Variants in DIAPH2 observed in about 807,000 individuals in gnomAD.
DIAPH2 encodes the protein protein diaphanous homolog 2.
Under a neutral mutation model 92.7 loss-of-function variants are expected in DIAPH2, and 35 were observed. The observed-to-expected ratio is 0.38, with a 90% CI of 0.29 to 0.50. The LOEUF (loss-of-function observed/expected upper bound fraction) is 0.50, where lower values mean the gene tolerates loss of function less well. Among genes scored for constraint, DIAPH2 ranks in the 20% least tolerant of loss-of-function variants. The probability of loss-of-function intolerance (pLI) is 0.94; values close to 1 mark genes in which losing one functional copy is unlikely to be tolerated. For synonymous variants in DIAPH2, 301 were observed against 280.4 expected (o/e 1.07, Z -0.73); for missense variants, 701 against 819.5 (o/e 0.86, Z 1.77).
intron 26 of DIAPH2, among the ~76,000 whole-genome samples, chrX:97,456,414 T>C (rs1254486588): frequency 9.2e-6 from 1 of 108,659 alleles, no homozygotes; most frequent in Non-Finnish European, 1.9e-5. Flanking sequence ...CAATCTTCAG[T>C]GATAAACCAA....
At chrX:97,410,745 C>T (rs1485029664) in intron 25 of DIAPH2, among the ~76,000 whole-genome samples, 1 of 111,859 alleles carries the variant, frequency 8.9e-6, no homozygotes, top group African/African-American at 3.3e-5. Context: ...GGCATGAGAA[C>T]TACGTGATGC....
chrX:97,431,957 TG>T (rs2070131153), intron 26 of DIAPH2, among the ~76,000 whole-genome samples: 1 of 112,127 alleles, frequency 8.9e-6, no homozygotes, highest in African/African-American at 3.2e-5. Context: ...CTTAGGCACC[TG>T]ATTTGTTTCC....
intron 23 of DIAPH2, among the ~76,000 whole-genome samples, chrX:97,306,502 C>T (rs944006230): frequency 6.3e-5 from 7 of 111,929 alleles, no homozygotes; most frequent in African/African-American, 1.9e-4. Context: ...AATCTATATA[C>T]GTTCTCATTT....
chrX:97,145,198 A>G (rs1217920217), intron 22 of DIAPH2, among the ~76,000 whole-genome samples: 2 of 111,211 alleles, frequency 1.8e-5, no homozygotes, highest in Non-Finnish European at 3.8e-5. Flanking sequence ...ATTAGTTAAC[A>G]TAGGCATTGC....
chrX:97,579,484 G>A (rs2147878666), intron 26 of DIAPH2, among the ~76,000 whole-genome samples: 1 of 111,006 alleles, frequency 9.0e-6, no homozygotes, highest in Admixed American at 9.6e-5. Context: ...TTGTAGATAG[G>A]CGGCGTTATT....
At chrX:96,693,302 G>T (rs2063807595) in intron 1 of DIAPH2, among the ~76,000 whole-genome samples, 1 of 112,283 alleles carries the variant, frequency 8.9e-6, no homozygotes, top group Non-Finnish European at 1.9e-5. Flanking sequence ...CCTCAAAACA[G>T]ATAGATGAGT....
rs900463680 is a variant in DIAPH2 at position 97,527,029 on chromosome X, G to A, written c.3242-72224G>A. Among the ~76,000 whole-genome samples the A allele has an allele frequency of 5.4e-5, 6 of 111,500 alleles. No homozygotes were observed. The Admixed American group carries it at 5.8e-4, about 11-fold the overall frequency. On this transcript the variant is annotated intron_variant, in intron 26 of 26. Coordinates refer to ENST00000324765, the MANE Select transcript of DIAPH2 (RefSeq NM_006729.5). Reference sequence around the variant, plus strand: ...TCCATTTTCTCCTCTACTGTTCCCGGACTAATTAATGCTGGTAGGCAACGA... The same window carrying A: ...TCCATTTTCTCCTCTACTGTTCCCGAACTAATTAATGCTGGTAGGCAACGA...
chrX:96,773,682 T>C (rs2064355759), intron 4 of DIAPH2, among the ~76,000 whole-genome samples: 1 of 110,843 alleles, frequency 9.0e-6, no homozygotes, highest in Admixed American at 9.6e-5. Context: ...AAACCCCATC[T>C]CTACTAATAA....
intron 19 of DIAPH2, among the ~76,000 whole-genome samples, chrX:97,090,785 G>A (rs1281680366): frequency 1.8e-5 from 2 of 110,937 alleles, no homozygotes; most frequent in African/African-American, 6.6e-5. Flanking sequence ...TTAAGAAAAG[G>A]GTCATTTGAG....
In DIAPH2 at chrX:97,570,115, T is replaced by A. The variant is rs1310518698; in HGVS notation, c.3242-29138T>A. Among the ~76,000 whole-genome samples, 88 of 29,042 alleles carry A rather than the reference T, an allele frequency of 3.0e-3. 1 individual carries two copies. The highest frequency in any genetic ancestry group is 9.5e-3 in the African/African-American group (83 of 8,695). 25.2% of individuals were successfully genotyped at this position (29,042 alleles called of 115,157 possible). A position where few individuals can be genotyped will look rare whatever the true frequency, so the allele number is the denominator to read the frequency against. On this transcript the variant is annotated intron_variant, in intron 26 of 26. Transcript: ENST00000324765. ...ATATATATATATATATATATATATA[T>A]ATATATATTAGAAGATAGATAGATA...
At chrX:97,547,678 C>A (rs181192361) in intron 26 of DIAPH2, among the ~76,000 whole-genome samples, 1 of 112,083 alleles carries the variant, frequency 8.9e-6, no homozygotes, top group African/African-American at 3.2e-5. Flanking sequence ...TTATGGCATT[C>A]CAACCTTTTC....
At chrX:97,049,161 G>A (rs1419756703) in intron 17 of DIAPH2, among the ~76,000 whole-genome samples, 1 of 110,361 alleles carries the variant, frequency 9.1e-6, no homozygotes, top group Non-Finnish European at 1.9e-5. Flanking sequence ...GTTTGATGCA[G>A]GTGAGAGGTA....
chrX:97,107,717 A>G (rs1440744950), intron 20 of DIAPH2, among the ~76,000 whole-genome samples: 13 of 112,078 alleles, frequency 1.2e-4, no homozygotes, highest in African/African-American at 3.9e-4. Context: ...AGGATTCTGT[A>G]TATTCAATGG....
At position 97,165,217 on chromosome X, in the gene DIAPH2, G is replaced by T. The variant is rs971527490; in HGVS notation, c.2719+23423G>T. 3.6e-5 allele frequency among the ~76,000 whole-genome samples: 4 copies of T among 111,225 alleles called. No homozygotes were observed. The East Asian group carries it at 1.1e-3, about 32-fold the overall frequency. On this transcript the variant is annotated intron_variant, in intron 22 of 26. Coordinates refer to ENST00000324765, the MANE Select transcript of DIAPH2 (RefSeq NM_006729.5). ...TGGGTAATAATACTATATGGTGGGT[G>T]CAGGGAGAGGGCTCCTTCTGATAGT...
intron 22 of DIAPH2, among the ~76,000 whole-genome samples, chrX:97,216,784 TG>T (rs1437897227): frequency 8.9e-6 from 1 of 111,839 alleles, no homozygotes; most frequent in Non-Finnish European, 1.9e-5. Flanking sequence ...ATACTCCTAG[TG>T]GGGGCAACAG....
chrX:96,915,576 T>A (rs1414910679), intron 7 of DIAPH2, among the ~76,000 whole-genome samples: 1 of 111,238 alleles, frequency 9.0e-6, no homozygotes, highest in Non-Finnish European at 1.9e-5. Context: ...TTAACTGAAG[T>A]TTAGCTGAAA....
chrX:97,338,073 T>C (rs2069080509), intron 23 of DIAPH2, among the ~76,000 whole-genome samples: 1 of 109,730 alleles, frequency 9.1e-6, no homozygotes, highest in Non-Finnish European at 1.9e-5. Flanking sequence ...GGTTTCGCCA[T>C]GTTGGTCAGG....
intron 23 of DIAPH2, among the ~76,000 whole-genome samples, chrX:97,320,371 A>AG (rs1389047989): frequency 1.8e-5 from 2 of 109,685 alleles, no homozygotes; most frequent in Admixed American, 1.0e-4. Flanking sequence ...TACTAAAACT[A>AG]GGGGGTCTAT....
At chrX:97,368,935 C>T (rs923073656) in intron 24 of DIAPH2, among the ~76,000 whole-genome samples, 12 of 54,798 alleles carry the variant, frequency 2.2e-4, no homozygotes, top group Admixed American at 6.6e-4. Flanking sequence ...GACGAAGTTT[C>T]GCTCTTGTTG....
Sources: allele counts gnomAD v4.1 joint callset (sites outside exome capture counted in the v4.1 genomes callset), GRCh38; gene constraint gnomAD v4.1.1; transcripts MANE v1.5; gene names NCBI Gene and HGNC (gene_info 2026-07-23, HGNC 2026-07-21).